Variants in PCCA observed in about 807,000 individuals in gnomAD.
PCCA encodes propionyl-CoA carboxylase alpha chain, mitochondrial.
Under a neutral mutation model 101.3 loss-of-function variants are expected in PCCA, and 74 were observed. The observed-to-expected ratio is 0.73, with a 90% CI of 0.61 to 0.89. PCCA has a LOEUF of 0.89. Ranked by LOEUF, PCCA falls within the 40% of genes least tolerant of loss-of-function variation. The pLI is 0.00. For synonymous variants in PCCA, 294 were observed against 313.6 expected, an observed-to-expected ratio of 0.94 and a Z score of 0.66; for missense variants, 891 against 907.0, an observed-to-expected ratio of 0.98 and a Z score of 0.23.
chr13:100,207,136 T>G (rs1326704897), intron 6 of PCCA, among the ~76,000 whole-genome samples: 4 of 152,222 alleles, frequency 2.6e-5, no homozygotes, highest in Admixed American at 6.5e-5. Flanking sequence ...AGCCATAAAC[T>G]TAGAAGGGTA....
rs368935876 is a variant in PCCA, at chr13:100,190,473, A to G, written c.469-18859A>G. On this transcript the variant is annotated intron_variant, in intron 6 of 23. Transcript: ENST00000376285. Reference sequence around the variant, plus strand: ...CTGGGCAGGTGGATCACTTGAGGTCAGGAGTTCGAGACCAGCCTGGCCAAC... The same window carrying G: ...CTGGGCAGGTGGATCACTTGAGGTCGGGAGTTCGAGACCAGCCTGGCCAAC... Among the ~76,000 whole-genome samples, 151 of 152,182 alleles carry G rather than the reference A, an allele frequency of 9.9e-4. 4 individuals carry two copies. The South Asian group carries it at 0.028, about 29-fold the overall frequency.
intron 19 of PCCA, among the ~76,000 whole-genome samples, chr13:100,393,417 C>A (rs1036070999): frequency 7.9e-5 from 9 of 113,700 alleles, no homozygotes; most frequent in African/African-American, 3.1e-4. Context: ...ACTGAAGAGT[C>A]TTTTTTTTTT....
intron 1 of PCCA, among the ~76,000 whole-genome samples, chr13:100,089,493 G>C (rs1264871678): frequency 1.3e-5 from 2 of 152,262 alleles, no homozygotes; most frequent in Non-Finnish European, 2.9e-5. Flanking sequence ...CACGCCCTCC[G>C]AGGCGGCTGA....
At chr13:100,124,666 A>G (rs1232916482) in intron 4 of PCCA, among the ~76,000 whole-genome samples, 1 of 152,204 alleles carries the variant, frequency 6.6e-6, no homozygotes, top group Non-Finnish European at 1.5e-5. Context: ...CCAGCTGAAC[A>G]AACTGGAGGG....
chr13:100,508,091 T>C (rs1417286153), intron 21 of PCCA, among the ~76,000 whole-genome samples: 1 of 152,200 alleles, frequency 6.6e-6, no homozygotes, highest in African/African-American at 2.4e-5. Context: ...TAGATTTTTG[T>C]ATTATTGACA....
At chr13:100,135,698 G>A (rs1042422438) in intron 4 of PCCA, among the ~76,000 whole-genome samples, 2 of 152,046 alleles carry the variant, frequency 1.3e-5, no homozygotes, top group African/African-American at 2.4e-5. Flanking sequence ...GTATGAAGAG[G>A]AAGAGGAGTA....
intron 4 of PCCA, chr13:100,150,937 G>A (rs1278045170): frequency 6.5e-7 from 1 of 1,531,536 alleles, no homozygotes; most frequent in Admixed American, 1.7e-5. Flanking sequence ...GCTTGGCCTC[G>A]CAGCCCAGTC....
At chr13:100,253,502 A>G (rs1594942863) in intron 8 of PCCA, among the ~76,000 whole-genome samples, 1 of 152,340 alleles carries the variant, frequency 6.6e-6, no homozygotes, top group South Asian at 2.1e-4. Flanking sequence ...ACGCACTGGT[A>G]GCTGGGAGGT....
chr13:100,100,555 T>A (rs7998878), intron 1 of PCCA, among the ~76,000 whole-genome samples: 139,565 of 152,224 alleles, frequency 0.92, 64,098 homozygotes, highest in East Asian at 0.99. Context: ...GCAGACTTCT[T>A]CAAACGTTTT....
intron 7 of PCCA, among the ~76,000 whole-genome samples, chr13:100,223,955 C>A (rs567632910): frequency 6.6e-6 from 1 of 152,368 alleles, no homozygotes; most frequent in South Asian, 2.1e-4. Context: ...TTCTCCATGT[C>A]CTCACCAGAC....
chr13:100,187,326 A>G (rs557787915), intron 6 of PCCA, among the ~76,000 whole-genome samples: 19 of 152,350 alleles, frequency 1.2e-4, no homozygotes, highest in Admixed American at 9.8e-4. Context: ...GTATGTTCAG[A>G]CCAACATGGG....
chr13:100,329,569 A>C (rs2069231854), intron 16 of PCCA, among the ~76,000 whole-genome samples: 1 of 152,194 alleles, frequency 6.6e-6, no homozygotes, highest in African/African-American at 2.4e-5. Context: ...TGGAAGGATG[A>C]AAAAGCTCCA....
At chr13:100,368,324 A>G (rs2075347503) in intron 18 of PCCA, 148 bp from the exon 19 acceptor site, 6 of 590,900 alleles carry the variant, frequency 1.0e-5, no homozygotes, top group South Asian at 9.2e-5. Context: ...TCATAGATAC[A>G]TGATGATTCT....
intron 8 of PCCA, among the ~76,000 whole-genome samples, chr13:100,247,092 G>A (rs913947609): frequency 6.6e-6 from 1 of 151,820 alleles, no homozygotes; most frequent in African/African-American, 2.4e-5. Flanking sequence ...TAGTTTAGTA[G>A]AGATGGGGTT....
chr13:100,306,022 A>G (rs2152690860), intron 14 of PCCA, among the ~76,000 whole-genome samples: 1 of 152,332 alleles, frequency 6.6e-6, no homozygotes, highest in Admixed American at 6.5e-5. Context: ...AGAAAATGAA[A>G]CTATCGCTTG....
chr13:100,317,577 C>T (rs758107688), intron 16 of PCCA, among the ~76,000 whole-genome samples: 1 of 152,122 alleles, frequency 6.6e-6, no homozygotes, highest in Non-Finnish European at 1.5e-5. Flanking sequence ...CTCATCTCCC[C>T]ATTCTTTGTA....
intron 7 of PCCA, among the ~76,000 whole-genome samples, chr13:100,230,219 C>T (rs2060383404): frequency 6.6e-6 from 1 of 151,980 alleles, no homozygotes; most frequent in South Asian, 2.1e-4. Context: ...TGATACCTAG[C>T]CAGGTGTGGG....
chr13:100,398,365 T>C (rs2077155694), intron 19 of PCCA, among the ~76,000 whole-genome samples: 1 of 152,210 alleles, frequency 6.6e-6, no homozygotes, highest in Non-Finnish European at 1.5e-5. Context: ...GGAAGGTTGT[T>C]TCATTCTTGG....
At chr13:100,297,815 T>A (rs1049712596) in intron 12 of PCCA, among the ~76,000 whole-genome samples, 1 of 152,148 alleles carries the variant, frequency 6.6e-6, no homozygotes, top group Non-Finnish European at 1.5e-5. Flanking sequence ...TTGTACCTGT[T>A]TGAACAAAAG....
Sources: allele counts gnomAD v4.1 joint callset (sites outside exome capture counted in the v4.1 genomes callset), GRCh38; gene constraint gnomAD v4.1.1; transcripts MANE v1.5; gene names NCBI Gene and HGNC (gene_info 2026-07-23, HGNC 2026-07-21).